The following MAP4K4 variants were observed in gnomAD, a reference collection of about 807,000 sequenced individuals.
MAP4K4 encodes the protein mitogen-activated protein kinase kinase kinase kinase 4.
A neutral mutation model predicts 189.6 loss-of-function variants in MAP4K4; 38 were observed. The observed-to-expected ratio is 0.20, with a 90% confidence interval of 0.15 to 0.26. The LOEUF (loss-of-function observed/expected upper bound fraction) is 0.26. Ranked by LOEUF, MAP4K4 falls within the 10% of genes least tolerant of loss-of-function variation. MAP4K4 has a pLI of 1.00. For synonymous variants in MAP4K4, 610 were observed against 624.3 expected (o/e 0.98, Z 0.34); for missense variants, 1,054 against 1,726.9 (o/e 0.61, Z 6.91).
intron 2 of MAP4K4, among the ~76,000 whole-genome samples, chr2:101,766,353 A>G (rs1445231600): frequency 2.0e-5 from 3 of 152,176 alleles, no homozygotes; most frequent in African/African-American, 7.2e-5. Context: ...AGTTATGTCA[A>G]TCAAATAAGT....
At chr2:101,790,601 T>C in intron 2 of MAP4K4, 119 bp from the exon 3 acceptor site, 2 of 710,734 alleles carry the variant, frequency 2.8e-6, no homozygotes, top group South Asian at 1.5e-5. Context: ...TCATCACTTT[T>C]GGTTAGTCAG....
chr2:101,764,192 G>A (rs1023024046), intron 2 of MAP4K4, among the ~76,000 whole-genome samples: 3 of 152,056 alleles, frequency 2.0e-5, no homozygotes, highest in African/African-American at 7.2e-5. Context: ...ATGCGTAAGG[G>A]TCTAGCTTCC....
At chr2:101,824,535 C>T (rs1017644464) in intron 4 of MAP4K4, among the ~76,000 whole-genome samples, 1 of 152,112 alleles carries the variant, frequency 6.6e-6, no homozygotes, top group African/African-American at 2.4e-5. Flanking sequence ...CACATTCAAC[C>T]TTACCTCTTT....
chr2:101,731,783 G>A (rs1296374549), intron 2 of MAP4K4, among the ~76,000 whole-genome samples: 1 of 151,080 alleles, frequency 6.6e-6, no homozygotes, highest in Non-Finnish European at 1.5e-5. Context: ...GGAGGGGAGG[G>A]GTAGGGGAAA....
intron 3 of MAP4K4, among the ~76,000 whole-genome samples, chr2:101,802,391 A>G (rs1373113841): frequency 6.6e-6 from 1 of 152,166 alleles, no homozygotes; most frequent in East Asian, 1.9e-4. Context: ...GCTCAGAGTA[A>G]AAGTACGGGT....
intron 2 of MAP4K4, among the ~76,000 whole-genome samples, chr2:101,723,562 C>G (rs2053496339): frequency 6.6e-6 from 1 of 152,098 alleles, no homozygotes. Flanking sequence ...AGCTTGTGTG[C>G]CTTGAGTGGC....
intron 12 of MAP4K4, among the ~76,000 whole-genome samples, chr2:101,853,131 T>A (rs2097339598): frequency 6.6e-6 from 1 of 152,218 alleles, no homozygotes; most frequent in Non-Finnish European, 1.5e-5. Flanking sequence ...ATAATCACCT[T>A]ACTCTGTTGC....
intron 29 of MAP4K4, among the ~76,000 whole-genome samples, chr2:101,886,853 G>A (rs192535032): frequency 3.9e-5 from 6 of 151,972 alleles, no homozygotes; most frequent in Admixed American, 6.6e-5. Flanking sequence ...GTGAAACCCC[G>A]TCTCTACTAA....
chr2:101,719,811 A>G (rs1032409105), intron 2 of MAP4K4, among the ~76,000 whole-genome samples: 1 of 152,132 alleles, frequency 6.6e-6, no homozygotes, highest in Admixed American at 6.5e-5. Flanking sequence ...CAGGAGTTCA[A>G]GACCAGTCTG....
At chr2:101,877,239 G>A in intron 27 of MAP4K4, 93 bp downstream of exon 27, 9 of 1,279,150 alleles carry the variant, frequency 7.0e-6, no homozygotes, top group Non-Finnish European at 1.0e-5. Flanking sequence ...ATTCACTGAT[G>A]TACTGGCTAA....
chr2:101,856,734 A>G (rs982729435), intron 13 of MAP4K4, among the ~76,000 whole-genome samples: 2 of 152,228 alleles, frequency 1.3e-5, no homozygotes, highest in African/African-American at 4.8e-5. Flanking sequence ...AACCACCTGT[A>G]CAAATACAAT....
At chr2:101,718,838 T>C (rs545989644) in intron 2 of MAP4K4, among the ~76,000 whole-genome samples, 2 of 152,170 alleles carry the variant, frequency 1.3e-5, no homozygotes, top group African/African-American at 4.8e-5. Context: ...GCTTCCCCAG[T>C]GATGCTACTG....
At chr2:101,756,590 T>G (rs1246827699) in intron 2 of MAP4K4, among the ~76,000 whole-genome samples, 1 of 152,138 alleles carries the variant, frequency 6.6e-6, no homozygotes, top group Admixed American at 6.5e-5. Context: ...AGCTTCACTT[T>G]GTTGCTTATG....
intron 2 of MAP4K4, among the ~76,000 whole-genome samples, chr2:101,760,917 C>T (rs914255176): frequency 3.9e-5 from 6 of 152,048 alleles, no homozygotes; most frequent in Non-Finnish European, 8.8e-5. Context: ...GCAGCAGAAT[C>T]GCTTGAATCT....
intron 2 of MAP4K4, among the ~76,000 whole-genome samples, chr2:101,730,936 ACT>A (rs2058170276): frequency 6.6e-6 from 1 of 151,160 alleles, no homozygotes; most frequent in African/African-American, 2.4e-5. Context: ...AGTCCCAACT[ACT>A]CGGGAGCCTG....
chr2:101,888,653 A>G, intron 31 of MAP4K4, 143 bp from the exon 32 acceptor site: 1 of 573,816 alleles, frequency 1.7e-6, no homozygotes, highest in Non-Finnish European at 2.7e-6. Context: ...TTCCTTGAAA[A>G]CAAATCCTTA....
intron 2 of MAP4K4, among the ~76,000 whole-genome samples, chr2:101,701,531 G>A (rs2038752107): frequency 6.6e-6 from 1 of 152,046 alleles, no homozygotes; most frequent in Non-Finnish European, 1.5e-5. Flanking sequence ...TGAGAGTAGG[G>A]GACTTGATCC....
chr2:101,851,591 A>G (rs1456186784), intron 12 of MAP4K4, among the ~76,000 whole-genome samples: 2 of 152,120 alleles, frequency 1.3e-5, no homozygotes, highest in Non-Finnish European at 2.9e-5. Context: ...TAGTGCCCCC[A>G]GCTACCTCCA....
chr2:101,798,516 T>C (rs1472293884), intron 3 of MAP4K4, among the ~76,000 whole-genome samples: 2 of 152,228 alleles, frequency 1.3e-5, no homozygotes, highest in African/African-American at 4.8e-5. Flanking sequence ...ACTTTATTTA[T>C]GGATGACGAC....
Sources: gnomAD v4.1 joint callset for allele counts (sites outside exome capture counted in the v4.1 genomes callset) on GRCh38, gnomAD v4.1.1 for gene constraint, MANE v1.5 for transcripts, NCBI Gene and HGNC (gene_info 2026-07-23, HGNC 2026-07-21) for gene names.